PMEPA1: variants seen among roughly 807,000 people sequenced by gnomAD.
PMEPA1 encodes prostate transmembrane protein, androgen induced 1.
PMEPA1 carries 11 observed loss-of-function variants against 23.0 expected under a neutral mutation model. The ratio of observed to expected loss-of-function variants is 0.48; its 90% CI spans 0.30 to 0.79. The LOEUF (loss-of-function observed/expected upper bound fraction) is 0.79. Ranked by LOEUF, PMEPA1 falls within the 30% of genes least tolerant of loss-of-function variation. PMEPA1 has a pLI of 0.06. For missense variants in PMEPA1, 377 were observed against 390.9 expected (o/e 0.96, Z 0.30); for synonymous variants, 204 against 166.4 (o/e 1.23, Z -1.74).
At chr20:57,687,460 C>A (rs917876376) in intron 1 of PMEPA1, among the ~76,000 whole-genome samples, 1 of 152,228 alleles carries the variant, frequency 6.6e-6, no homozygotes, top group African/African-American at 2.4e-5. Flanking sequence ...CCTACACATA[C>A]CTACAGCCAC....
rs2072139976 is a variant in PMEPA1 at position 57,709,622 on chromosome 20, G to A, written c.-40C>T. 1 of 977,272 alleles carries A rather than the reference G, an allele frequency of 1.0e-6. No homozygotes were observed. Among genetic ancestry groups the A allele is most frequent in the Non-Finnish European group, 1.2e-6 (1 of 817,982 alleles). 60.5% of individuals were successfully genotyped at this position (977,272 alleles called of 1,614,324 possible). On this transcript the variant is annotated 5_prime_UTR_variant, in exon 1 of 4. Coordinates refer to ENST00000341744, the MANE Select transcript of PMEPA1 (RefSeq NM_020182.5). ...CGCGGCGCGGGGCGCGGGGGGCTCG[G>A]GGGCGGCCGGGGGGGGCTCCGGCCG...
chr20:57,708,533 C>T (rs2072118937), intron 1 of PMEPA1, among the ~76,000 whole-genome samples: 1 of 152,192 alleles, frequency 6.6e-6, no homozygotes, highest in Non-Finnish European at 1.5e-5. Flanking sequence ...CCACTCCCCA[C>T]CGTTGGTCCA....
chr20:57,703,442 C>T (rs1422263423), intron 1 of PMEPA1, among the ~76,000 whole-genome samples: 1 of 152,248 alleles, frequency 6.6e-6, no homozygotes, highest in African/African-American at 2.4e-5. Flanking sequence ...GCGGTGTTGA[C>T]CTCACGGCCC....
intron 1 of PMEPA1, among the ~76,000 whole-genome samples, chr20:57,662,514 C>T (rs561650665): frequency 6.6e-6 from 1 of 152,296 alleles, no homozygotes; most frequent in East Asian, 1.9e-4. Context: ...GTGGGACACC[C>T]GCATGTTCCT....
chr20:57,685,753 C>CT (rs2146689129), intron 1 of PMEPA1, among the ~76,000 whole-genome samples: 2 of 152,250 alleles, frequency 1.3e-5, no homozygotes, highest in Admixed American at 1.3e-4. Context: ...TAAGATGTCT[C>CT]TAACACCTAG....
chr20:57,690,592 T>A, intron 1 of PMEPA1: 2 of 1,236,180 alleles, frequency 1.6e-6, no homozygotes, highest in South Asian at 2.8e-5. Context: ...GTGTAGAGGG[T>A]CATGTGCAAA....
At chr20:57,663,221 T>A (rs1332774747) in intron 1 of PMEPA1, among the ~76,000 whole-genome samples, 1 of 152,176 alleles carries the variant, frequency 6.6e-6, no homozygotes, top group Non-Finnish European at 1.5e-5. Flanking sequence ...CTGGCTAGAC[T>A]TGGTGAGCCA....
intron 1 of PMEPA1, among the ~76,000 whole-genome samples, chr20:57,702,174 C>T (rs945654537): frequency 1.3e-5 from 2 of 152,220 alleles, no homozygotes; most frequent in African/African-American, 4.8e-5. Context: ...TGACGTTCTG[C>T]GGCCCTGGGA....
chr20:57,708,769 C>T (rs965398995), intron 1 of PMEPA1, among the ~76,000 whole-genome samples: 18 of 152,122 alleles, frequency 1.2e-4, no homozygotes, highest in African/African-American at 3.9e-4. Flanking sequence ...TGGACACACA[C>T]GGTCCCCAGA....
At chr20:57,661,129 G>GT (rs111338125) in intron 1 of PMEPA1, among the ~76,000 whole-genome samples, 17 of 152,312 alleles carry the variant, frequency 1.1e-4, no homozygotes, top group East Asian at 1.9e-4. Flanking sequence ...CTAAGGTTGG[G>GT]TTTTTTTGTT....
At position 57,650,239 on chromosome 20, in the gene PMEPA1, G is replaced by A. The variant is rs368416248; in HGVS notation, c.*1814C>T. 4 of 152,210 alleles carry A rather than the reference G, an allele frequency of 2.6e-5. No homozygotes were observed. The highest frequency in any genetic ancestry group is 5.9e-5 in the Non-Finnish European group (4 of 68,036). The allele number at this position is 152,210 out of a possible 1,614,324, so 9.4% of individuals were successfully genotyped here. ...ATAAAAAAGTTGCTCACAAACAATA[G>A]TTATTGCCTTTTATATCTTTTATGT... On this transcript the variant is annotated 3_prime_UTR_variant, in exon 4 of 4. Transcript: ENST00000341744.
In PMEPA1 at chr20:57,652,503, C is replaced by T. The variant is rs749936073; in HGVS notation, c.414G>A (p.Pro138=). 2.3e-5 allele frequency: 36 copies of T among 1,593,324 alleles called. 2 individuals carry two copies. In the South Asian group the frequency reaches 3.3e-4, roughly 15 times the overall value. The change falls in exon 4 of 4, where the codon CCG becomes CCA. Residue 138 remains proline (P), a synonymous_variant. Transcript: ENST00000341744. The surrounding 1 kb of genome is among the most constrained non-coding windows in gnomAD (Gnocchi z 6.1). The part of the protein sequence containing the change: ...ERFHRFQPTY[P]YLQHEIDLPP... ...GCAGGTCGATCTCGTGCTGCAGGTA[C>T]GGATAGGTGGGCTGGAAGCGGTGGA... is the stretch of plus-strand genomic sequence containing the variant.
intron 1 of PMEPA1, among the ~76,000 whole-genome samples, chr20:57,707,369 G>C (rs1270262428): frequency 6.6e-6 from 1 of 152,196 alleles, no homozygotes; most frequent in African/African-American, 2.4e-5. Context: ...GCATTTTAAA[G>C]ACTGGTTGGT....
chr20:57,666,763 C>T (rs1395181906), intron 1 of PMEPA1, among the ~76,000 whole-genome samples: 1 of 152,192 alleles, frequency 6.6e-6, no homozygotes, highest in Non-Finnish European at 1.5e-5. Context: ...GAGTTATGGG[C>T]ACCTGCCATG....
chr20:57,698,032 A>AT (rs1433491848), intron 1 of PMEPA1, among the ~76,000 whole-genome samples: 2 of 152,144 alleles, frequency 1.3e-5, no homozygotes, highest in Non-Finnish European at 2.9e-5. Context: ...CAGCTGATAC[A>AT]TTTTTTAAAG....
rs113971197 is a variant in PMEPA1 at position 57,652,654 on chromosome 20, GA to G, written c.319-57del. ...GCGGCTGTCTCAGGTGGGTTGTCCA[GA>G]AGCGATCCTGAGACTGGAGTTCTGC... On this transcript the variant is annotated intron_variant, in intron 3 of 3. Transcript: ENST00000341744. This position sits in a 1 kb window ranked among gnomAD's most constrained non-coding sequence, Gnocchi z 6.1. 1.4e-3 allele frequency: 1,940 copies of G among 1,347,158 alleles called. 25 individuals are homozygous for G. In the African/African-American group the frequency reaches 0.025, roughly 17 times the overall value. 83.5% of individuals were successfully genotyped at this position (1,347,158 alleles called of 1,614,324 possible). A position where few individuals can be genotyped will look rare whatever the true frequency, so the allele number is the denominator to read the frequency against.
chr20:57,704,652 T>C lies in PMEPA1; in HGVS notation c.109+4822A>G, dbSNP rs2072053724. ...ACCTGAAGAGAGAAGGCCACACCGA[T>C]CCTCAGGTTTGGACCCTGCCACCAG... On this transcript the variant is annotated intron_variant, in intron 1 of 3. Coordinates refer to ENST00000341744, the MANE Select transcript of PMEPA1 (RefSeq NM_020182.5). This position sits in a 1 kb window ranked among gnomAD's most constrained non-coding sequence, Gnocchi z 4.6. Among the ~76,000 whole-genome samples, 1 of 152,198 alleles carries C rather than the reference T, an allele frequency of 6.6e-6. No homozygotes were observed. The highest frequency in any genetic ancestry group is 2.4e-5 in the African/African-American group (1 of 41,448).
chr20:57,710,588 G>A (rs1271879085), upstream of PMEPA1: 3 of 962,184 alleles, frequency 3.1e-6, no homozygotes, highest in South Asian at 1.6e-5. Flanking sequence ...GGGAACTCGC[G>A]TAGACACGCC....
chr20:57,657,470 C>A (rs948928170), intron 2 of PMEPA1, among the ~76,000 whole-genome samples: 3 of 152,240 alleles, frequency 2.0e-5, no homozygotes, highest in Non-Finnish European at 4.4e-5. Flanking sequence ...CCTGAAGTCC[C>A]TGATGGCATC....
Sources: allele counts gnomAD v4.1 joint callset (sites outside exome capture counted in the v4.1 genomes callset), GRCh38; gene constraint gnomAD v4.1.1; non-coding constraint Gnocchi (gnomAD v3.1); transcripts MANE v1.5; gene names NCBI Gene and HGNC (gene_info 2026-07-23, HGNC 2026-07-21).